PCSK5: variants seen among roughly 807,000 people sequenced by gnomAD.
PCSK5 encodes the protein prohormone convertase 5.
Under a neutral mutation model 233.2 loss-of-function variants are expected in PCSK5, and 129 were observed. The ratio of observed to expected loss-of-function variants is 0.55; its 90% CI spans 0.48 to 0.64. The LOEUF is 0.64. Ranked by LOEUF, PCSK5 falls within the 30% of genes least tolerant of loss-of-function variation. The pLI is 0.00. For missense variants in PCSK5, 2,076 were observed against 2,430.1 expected (o/e 0.85, Z 3.06); for synonymous variants, 825 against 879.2 (o/e 0.94, Z 1.09).
intron 20 of PCSK5, among the ~76,000 whole-genome samples, chr9:76,210,098 C>A (rs527408591): frequency 2.0e-5 from 3 of 152,236 alleles, no homozygotes; most frequent in Non-Finnish European, 4.4e-5. Context: ...CAGCAGCTGA[C>A]CTTGAGACAA....
intron 22 of PCSK5, among the ~76,000 whole-genome samples, chr9:76,237,433 T>C (rs1257319860): frequency 6.6e-6 from 1 of 152,024 alleles, no homozygotes; most frequent in Non-Finnish European, 1.5e-5. Context: ...ATTAGCAAAA[T>C]AGGTAGCTTG....
In PCSK5 at chr9:76,169,821, A is replaced by T. The variant is rs150891170; in HGVS notation, c.1737A>T (p.Leu579=). The T allele has an allele frequency of 1.2e-6, 2 of 1,613,368 alleles. No homozygotes were observed. Among genetic ancestry groups the T allele is most frequent in the Non-Finnish European group, 1.7e-6 (2 of 1,179,506 alleles). The change falls in exon 13 of 38, where the codon CTA becomes CTT. Residue 579 remains leucine, a synonymous_variant. Coordinates refer to ENST00000674117, the MANE Select transcript of PCSK5 (RefSeq NM_001372043.1). The stretch of plus-strand genomic sequence containing the variant: ...AAGTTTATGATACTCCCTCTCAGCT[A>T]AGGAACTTTAAGACTCCAGGTGAGA... ...VLEVYDTPSQ[L]RNFKTPGKLK... is the part of the protein sequence containing the mutation.
At chr9:75,917,583 C>T (rs773336829) in intron 1 of PCSK5, among the ~76,000 whole-genome samples, 5 of 152,118 alleles carry the variant, frequency 3.3e-5, no homozygotes, top group East Asian at 1.9e-4. Flanking sequence ...ATTTATAGTC[C>T]GTGGATATCA....
intron 24 of PCSK5, among the ~76,000 whole-genome samples, chr9:76,278,593 T>C (rs999853468): frequency 2.6e-5 from 4 of 152,274 alleles, no homozygotes; most frequent in African/African-American, 9.6e-5. Context: ...TTTAAAAGCA[T>C]AGAAACATAT....
intron 1 of PCSK5, among the ~76,000 whole-genome samples, chr9:75,900,803 G>T (rs1201803354): frequency 6.7e-6 from 1 of 149,920 alleles, no homozygotes; most frequent in South Asian, 2.1e-4. Flanking sequence ...GATAAATGAT[G>T]TAGTCATCCC....
intron 3 of PCSK5, among the ~76,000 whole-genome samples, chr9:76,022,317 T>G (rs1219185643): frequency 6.6e-6 from 1 of 152,260 alleles, no homozygotes; most frequent in African/African-American, 2.4e-5. Context: ...ACATATACTT[T>G]ATAATTTCTT....
intron 30 of PCSK5, among the ~76,000 whole-genome samples, chr9:76,311,102 G>A (rs554012439): frequency 5.3e-5 from 8 of 152,252 alleles, no homozygotes; most frequent in South Asian, 4.1e-4. Context: ...GGGGCTGGGC[G>A]TGGTGGCTCA....
chr9:76,071,189 T>C (rs574311855), intron 6 of PCSK5, among the ~76,000 whole-genome samples: 1 of 152,336 alleles, frequency 6.6e-6, no homozygotes, highest in Admixed American at 6.5e-5. Context: ...CAGAGATTAT[T>C]CTTATTTATT....
intron 35 of PCSK5, among the ~76,000 whole-genome samples, chr9:76,341,586 A>G (rs1829838016): frequency 6.6e-6 from 1 of 152,148 alleles, no homozygotes; most frequent in Admixed American, 6.6e-5. Context: ...GAGCCACTGC[A>G]CTGGCCTGTC....
chr9:76,036,500 G>A (rs10869683), intron 5 of PCSK5, among the ~76,000 whole-genome samples: 21,655 of 152,150 alleles, frequency 0.14, 1,692 homozygotes, highest in South Asian at 0.25. Flanking sequence ...TGTCTGTGAC[G>A]TTGGAGAAGC....
At chr9:76,310,165 T>C (rs575629982) in intron 29 of PCSK5, among the ~76,000 whole-genome samples, 102 of 151,928 alleles carry the variant, frequency 6.7e-4, no homozygotes, top group African/African-American at 2.4e-3. Context: ...GGAGAATCGC[T>C]TGAACCCGGG....
In PCSK5 at chr9:76,046,160, G is replaced by GTTTTTTTTTTT. The variant is rs71372041; in HGVS notation, c.632+19148_632+19158dup. 1.4e-3 allele frequency among the ~76,000 whole-genome samples: 80 copies of GTTTTTTTTTTT among 58,028 alleles called. 23 individuals carry two copies. Among genetic ancestry groups the GTTTTTTTTTTT allele is most frequent in the East Asian group, 3.0e-3 (6 of 1,976 alleles). The allele number at this position is 58,028 out of a possible 152,430, so 38.1% of individuals were successfully genotyped here. A position where few individuals can be genotyped will look rare whatever the true frequency, so the allele number is the denominator to read the frequency against. On this transcript the variant is annotated intron_variant, in intron 5 of 37. Transcript: ENST00000674117. The stretch of plus-strand genomic sequence containing the variant: ...GCATTAACACATAATTTTTTCTTTT[G>GTTTTTTTTTTT]TTTTTTTTTTTTTTTTTTTTTTTTT...
At chr9:76,079,157 T>C (rs1199680006) in intron 7 of PCSK5, among the ~76,000 whole-genome samples, 1 of 151,878 alleles carries the variant, frequency 6.6e-6, no homozygotes, top group Non-Finnish European at 1.5e-5. Context: ...TGGAGTGCAG[T>C]GGCGTGCGTG....
chr9:76,153,522 G>A (rs1179568505), intron 10 of PCSK5, among the ~76,000 whole-genome samples: 1 of 152,124 alleles, frequency 6.6e-6, no homozygotes, highest in Non-Finnish European at 1.5e-5. Context: ...TTATATTCAG[G>A]CTCAGCTTTT....
chr9:76,160,588 TAAC>T (rs1160463650), intron 12 of PCSK5, among the ~76,000 whole-genome samples: 1 of 152,136 alleles, frequency 6.6e-6, no homozygotes, highest in Non-Finnish European at 1.5e-5. Flanking sequence ...GTTAGAACAC[TAAC>T]AACAGGCCAG....
chr9:76,039,916 G>T (rs1418939531), intron 5 of PCSK5, among the ~76,000 whole-genome samples: 1 of 152,168 alleles, frequency 6.6e-6, no homozygotes, highest in Non-Finnish European at 1.5e-5. Flanking sequence ...GCAAATCTCA[G>T]GTTCCCTCGA....
chr9:75,923,373 G>A (rs960515701), intron 1 of PCSK5, among the ~76,000 whole-genome samples: 1 of 152,118 alleles, frequency 6.6e-6, no homozygotes, highest in African/African-American at 2.4e-5. Context: ...GAATAGATAA[G>A]TCATTTACTA....
intron 3 of PCSK5, among the ~76,000 whole-genome samples, chr9:76,012,230 G>T (rs1827757166): frequency 6.6e-6 from 1 of 152,228 alleles, no homozygotes; most frequent in East Asian, 1.9e-4. Flanking sequence ...AAACCATTAT[G>T]CAATAGATAT....
chr9:75,950,958 GATT>G (rs1444144833), intron 2 of PCSK5, among the ~76,000 whole-genome samples: 1 of 152,196 alleles, frequency 6.6e-6, no homozygotes, highest in African/African-American at 2.4e-5. Context: ...CAGATTGTAT[GATT>G]ATAGGCAAAG....
Sources: gnomAD v4.1 joint callset for allele counts (sites outside exome capture counted in the v4.1 genomes callset) on GRCh38, gnomAD v4.1.1 for gene constraint, MANE v1.5 for transcripts, NCBI Gene and HGNC (gene_info 2026-07-23, HGNC 2026-07-21) for gene names.